ACTR3C: variants seen among roughly 807,000 people sequenced by gnomAD.
ACTR3C encodes actin related protein 3C.
A neutral mutation model predicts 26.3 loss-of-function variants in ACTR3C; 18 were observed. The ratio of observed to expected loss-of-function variants is 0.68; its 90% CI spans 0.47 to 1.01. The LOEUF is 1.01. Among genes scored for constraint, ACTR3C ranks in the 50% least tolerant of loss-of-function variants. ACTR3C has a pLI of 0.00. For synonymous variants in ACTR3C, 55 were observed against 94.5 expected (o/e 0.58, Z 2.42); for missense variants, 184 against 250.7 (o/e 0.73, Z 1.80).
At chr7:150,018,812 T>A in the ACTR3C span, among the ~76,000 whole-genome samples, 1 of 150,424 alleles carries the variant, frequency 6.6e-6, no homozygotes, top group Admixed American at 6.6e-5. Flanking sequence ...TCTCCCCATA[T>A]TGTTCGTATC....
the ACTR3C span, chr7:150,047,522 C>T: frequency 2.8e-6 from 2 of 702,630 alleles, no homozygotes; most frequent in East Asian, 1.3e-4. Flanking sequence ...TGATTCCCCC[C>T]CCCACAGATG....
At chr7:150,198,027 G>A in the ACTR3C span, among the ~76,000 whole-genome samples, 11 of 151,538 alleles carry the variant, frequency 7.3e-5, no homozygotes, top group Non-Finnish European at 1.5e-4. Context: ...ACTGGTTTTG[G>A]TGGAGACGGG....
chr7:150,317,987 G>A (rs1387735229), intron 1 of ACTR3C, among the ~76,000 whole-genome samples: 1 of 152,184 alleles, frequency 6.6e-6, no homozygotes, highest in African/African-American at 2.4e-5. Context: ...ATAGGACAGG[G>A]CTTGTTTTAG....
intron 1 of ACTR3C, among the ~76,000 whole-genome samples, chr7:150,305,057 G>C (rs1795706152): frequency 6.6e-6 from 1 of 152,108 alleles, no homozygotes; most frequent in South Asian, 2.1e-4. Flanking sequence ...ACTGGGACTG[G>C]GAGCAAAGTG....
chr7:150,312,650 C>T (rs532735838), intron 1 of ACTR3C, among the ~76,000 whole-genome samples: 6 of 152,194 alleles, frequency 3.9e-5, no homozygotes, highest in Non-Finnish European at 8.8e-5. Context: ...CCGAAACTTA[C>T]TAGACTAACT....
At chr7:150,038,473 C>G in the ACTR3C span, among the ~76,000 whole-genome samples, 992 of 142,982 alleles carry the variant, frequency 6.9e-3, 34 homozygotes, top group African/African-American at 0.025. Flanking sequence ...GGTCCCCGCC[C>G]CATTTGTGAC....
At chr7:150,189,933 T>C in the ACTR3C span, among the ~76,000 whole-genome samples, 1 of 148,488 alleles carries the variant, frequency 6.7e-6, no homozygotes, top group African/African-American at 2.5e-5. Flanking sequence ...ACGAGATGCC[T>C]GGACCATGTG....
the ACTR3C span, among the ~76,000 whole-genome samples, chr7:150,042,043 G>T: frequency 4.3e-4 from 28 of 65,702 alleles, no homozygotes; most frequent in Admixed American, 1.4e-3. Flanking sequence ...GAGCAACGAT[G>T]GGGGGTCCTA....
At chr7:150,220,143 C>A in the ACTR3C span, among the ~76,000 whole-genome samples, 4 of 148,138 alleles carry the variant, frequency 2.7e-5, no homozygotes, top group African/African-American at 1.1e-4. Context: ...GCTGCTCACA[C>A]TCCCTCCACA....
At chr7:150,176,661 A>G in the ACTR3C span, among the ~76,000 whole-genome samples, 1 of 150,928 alleles carries the variant, frequency 6.6e-6, no homozygotes, top group African/African-American at 2.5e-5. Flanking sequence ...TACAACAGAA[A>G]GAGCAAGTTT....
intron 6 of ACTR3C, among the ~76,000 whole-genome samples, chr7:150,255,101 A>G (rs184379461): frequency 6.6e-6 from 1 of 151,946 alleles, no homozygotes; most frequent in Non-Finnish European, 1.5e-5. Flanking sequence ...AGAAAAAAGA[A>G]AATAAAATGC....
At chr7:150,131,140 A>G in the ACTR3C span, among the ~76,000 whole-genome samples, 24,950 of 152,104 alleles carry the variant, frequency 0.16, 1,901 homozygotes, top group Admixed American at 0.19. Context: ...GTATCTCAAT[A>G]AAGATGACAC....
At chr7:150,196,898 G>A in the ACTR3C span, among the ~76,000 whole-genome samples, 1 of 152,158 alleles carries the variant, frequency 6.6e-6, no homozygotes, top group Non-Finnish European at 1.5e-5. Flanking sequence ...TTGGTCTTGG[G>A]AGTGTGGCTT....
At chr7:149,966,859 C>CT in the ACTR3C span, among the ~76,000 whole-genome samples, 14 of 149,624 alleles carry the variant, frequency 9.4e-5, no homozygotes, top group East Asian at 5.9e-4. Context: ...TTTTTCTTTC[C>CT]TTTTTTTTTG....
At chr7:150,273,284 T>TGA (rs1491528728) in intron 6 of ACTR3C, among the ~76,000 whole-genome samples, 4 of 118,994 alleles carry the variant, frequency 3.4e-5, no homozygotes, top group Admixed American at 8.4e-5. Flanking sequence ...CAGACCAACC[T>TGA]TTTTTTTTTT....
chr7:150,313,918 T>C (rs1796562238), intron 1 of ACTR3C, among the ~76,000 whole-genome samples: 2 of 152,166 alleles, frequency 1.3e-5, no homozygotes, highest in African/African-American at 4.8e-5. Context: ...GCAAGGGACT[T>C]GGGGACTGTG....
At chr7:150,235,578 C>T in the ACTR3C span, among the ~76,000 whole-genome samples, 1 of 152,160 alleles carries the variant, frequency 6.6e-6, no homozygotes. Context: ...CCTTTCCTAA[C>T]AGGAATAAGG....
the ACTR3C span, among the ~76,000 whole-genome samples, chr7:150,036,894 C>CA: frequency 9.2e-6 from 1 of 108,266 alleles, no homozygotes; most frequent in African/African-American, 3.6e-5. Flanking sequence ...TCTCAGTCCC[C>CA]GCCTCGCGGG....
At chr7:150,203,088 A>G in the ACTR3C span, among the ~76,000 whole-genome samples, 1 of 152,202 alleles carries the variant, frequency 6.6e-6, no homozygotes. Context: ...TACCACTCAA[A>G]ATGTGGTCAT....
Sources: gnomAD v4.1 joint callset for allele counts (sites outside exome capture counted in the v4.1 genomes callset) on GRCh38, gnomAD v4.1.1 for gene constraint, MANE v1.5 for transcripts, NCBI Gene and HGNC (gene_info 2026-07-23, HGNC 2026-07-21) for gene names.